Variants in CUX2 observed in about 807,000 individuals in gnomAD.
CUX2 encodes the protein cut like homeobox 2.
CUX2 carries 40 observed loss-of-function variants against 144.8 expected under a neutral mutation model. The ratio of observed to expected loss-of-function variants is 0.28; its 90% confidence interval spans 0.21 to 0.36. The LOEUF is 0.36. Ranked by LOEUF, CUX2 falls within the 10% of genes least tolerant of loss-of-function variation. The pLI is 1.00. For missense variants in CUX2, 1,615 were observed against 1,994.0 expected, an observed-to-expected ratio of 0.81 and a Z score of 3.62; for synonymous variants, 827 against 875.6, an observed-to-expected ratio of 0.94 and a Z score of 0.98.
At chr12:111,216,239 C>T (rs1408076978) in intron 2 of CUX2, among the ~76,000 whole-genome samples, 1 of 152,194 alleles carries the variant, frequency 6.6e-6, no homozygotes, top group African/African-American at 2.4e-5. Context: ...GTGACCTGGG[C>T]TCAAATTCTA....
rs1885548113 is a variant in CUX2 at position 111,289,149 on chromosome 12, A to G, written c.302-2269A>G. Among the ~76,000 whole-genome samples the G allele has an allele frequency of 6.6e-6, 1 of 151,962 alleles. No individual in the cohort carries two copies. Among genetic ancestry groups the G allele is most frequent in the Admixed American group, 6.6e-5 (1 of 15,244 alleles). ...AAAAAAGAAAAAAGGAAAAAAGAAA[A>G]TTCTGGGGGAGAGACCAGGAAGAGA... On this transcript the variant is annotated intron_variant, in intron 4 of 21. Coordinates refer to ENST00000261726, the MANE Select transcript of CUX2 (RefSeq NM_015267.4). This position sits in a 1 kb window ranked among gnomAD's most constrained non-coding sequence, Gnocchi z 4.1.
chr12:111,139,309 T>C (rs1318123401), intron 1 of CUX2, among the ~76,000 whole-genome samples: 1 of 151,818 alleles, frequency 6.6e-6, no homozygotes, highest in East Asian at 1.9e-4. Flanking sequence ...AAGTGCTCAA[T>C]AGGAGGAGAA....
In CUX2 at chr12:111,164,590, G is replaced by GA. The variant is rs201591693; in HGVS notation, c.64-49601dup. On this transcript the variant is annotated intron_variant, in intron 1 of 21. Transcript: ENST00000261726. ...GACTCCATCTCAAAAAAATAAAAAAGAAAAAAAAAGAGAACAAGCAAAAGA... is the reference window on the plus strand; with the variant it reads ...GACTCCATCTCAAAAAAATAAAAAAGAAAAAAAAAAGAGAACAAGCAAAAGA... Among the ~76,000 whole-genome samples the GA allele has an allele frequency of 3.4e-3, 506 of 148,890 alleles. 1 individual carries two copies. The highest frequency in any genetic ancestry group is 6.8e-3 in the African/African-American group (269 of 39,824).
chr12:111,134,848 C>T (rs1344764814), intron 1 of CUX2, among the ~76,000 whole-genome samples: 1 of 152,118 alleles, frequency 6.6e-6, no homozygotes, highest in Non-Finnish European at 1.5e-5. Context: ...AAAGGGAACT[C>T]CAGGCAGAAG....
At chr12:111,053,507 C>T (rs1480161927) in intron 1 of CUX2, among the ~76,000 whole-genome samples, 1 of 152,220 alleles carries the variant, frequency 6.6e-6, no homozygotes, top group Non-Finnish European at 1.5e-5. Flanking sequence ...CCACGTACTT[C>T]CATAGTCTCC....
intron 1 of CUX2, among the ~76,000 whole-genome samples, chr12:111,122,773 C>A (rs144449385): frequency 6.6e-6 from 1 of 152,158 alleles, no homozygotes; most frequent in South Asian, 2.1e-4. Flanking sequence ...GCTAGTTGCT[C>A]GTGGCTGCAG....
rs1362985438 is a variant in CUX2, at chr12:111,246,319, T to A, written c.223-17442T>A. 1.3e-5 allele frequency among the ~76,000 whole-genome samples: 2 copies of A among 152,208 alleles called. No individual in the cohort carries two copies. Among genetic ancestry groups the A allele is most frequent in the African/African-American group, 4.8e-5 (2 of 41,460 alleles). On this transcript the variant is annotated intron_variant, in intron 3 of 21. Transcript: ENST00000261726. The surrounding 1 kb of genome is among the most constrained non-coding windows in gnomAD (Gnocchi z 4.0). ...TACAAATCAGACCTTTTTTATTTTT[T>A]CTCACCAGTCAGCCACTTGTTAAAC...
At chr12:111,194,182 G>C (rs942909233) in intron 1 of CUX2, among the ~76,000 whole-genome samples, 1 of 152,106 alleles carries the variant, frequency 6.6e-6, no homozygotes, top group Non-Finnish European at 1.5e-5. Context: ...GTGACCTTAG[G>C]CAAGTGACTT....
intron 1 of CUX2, among the ~76,000 whole-genome samples, chr12:111,050,938 G>T (rs1870234561): frequency 1.3e-5 from 2 of 152,220 alleles, no homozygotes. Flanking sequence ...ATGTTTGATA[G>T]CAGAGCAGGG....
intron 3 of CUX2, among the ~76,000 whole-genome samples, chr12:111,254,695 G>T (rs74483132): frequency 0.014 from 2,153 of 152,266 alleles, 58 homozygotes; most frequent in African/African-American, 0.049. Flanking sequence ...ACACCTGAGG[G>T]TTCAAAATGA....
At chr12:111,199,156 C>T (rs559195164) in intron 1 of CUX2, among the ~76,000 whole-genome samples, 4 of 152,176 alleles carry the variant, frequency 2.6e-5, no homozygotes, top group Admixed American at 1.3e-4. Flanking sequence ...TATTTCTGGA[C>T]GTTGGCGGGA....
intron 3 of CUX2, among the ~76,000 whole-genome samples, chr12:111,222,401 C>A (rs1482973936): frequency 6.6e-6 from 1 of 152,188 alleles, no homozygotes; most frequent in Non-Finnish European, 1.5e-5. Context: ...GACCACAGGG[C>A]CACTGTTGGG....
At chr12:111,318,238 CTT>C (rs955839240) in intron 16 of CUX2, among the ~76,000 whole-genome samples, 3 of 109,656 alleles carry the variant, frequency 2.7e-5, no homozygotes, top group African/African-American at 4.8e-5. Context: ...ATTTTTTTTT[CTT>C]TTTTCTTTTT....
chr12:111,145,748 T>G (rs1876625769), intron 1 of CUX2, among the ~76,000 whole-genome samples: 1 of 151,850 alleles, frequency 6.6e-6, no homozygotes, highest in Non-Finnish European at 1.5e-5. Context: ...CTCTCTGCAG[T>G]CTCTGCCTCC....
chr12:111,231,737 A>T (rs531999248), intron 3 of CUX2, among the ~76,000 whole-genome samples: 1 of 152,370 alleles, frequency 6.6e-6, no homozygotes, highest in East Asian at 1.9e-4. Flanking sequence ...TATAAATTTT[A>T]AAAATACAGT....
At chr12:111,140,314 G>GGACAATT (rs769348212) in intron 1 of CUX2, among the ~76,000 whole-genome samples, 5 of 152,092 alleles carry the variant, frequency 3.3e-5, no homozygotes. Flanking sequence ...CATTGATGGG[G>GGACAATT]GACAATTGAC....
rs1886498132 is a variant in CUX2, at chr12:111,304,915, C to T, written c.858+601C>T. 6.6e-6 allele frequency among the ~76,000 whole-genome samples: 1 copy of T among 152,208 alleles called. No individual in the cohort carries two copies. The highest frequency in any genetic ancestry group is 2.1e-4 in the South Asian group (1 of 4,826). On this transcript the variant is annotated intron_variant, in intron 10 of 21. Transcript: ENST00000261726. This position sits in a 1 kb window ranked among gnomAD's most constrained non-coding sequence, Gnocchi z 4.7. ...GGCCACATACCAAGATAAAATTTAA[C>T]ATTCATACTCAGCCATTGGTTTCCA...
chr12:111,123,543 AT>A (rs111665969), intron 1 of CUX2, among the ~76,000 whole-genome samples: 8 of 144,398 alleles, frequency 5.5e-5, no homozygotes, highest in Admixed American at 1.4e-4. Flanking sequence ...AGCTCACTTA[AT>A]TTTTTTTTTG....
chr12:111,061,992 C>G lies in CUX2; in HGVS notation c.63+27752C>G, dbSNP rs1183162968. On this transcript the variant is annotated intron_variant, in intron 1 of 21. Coordinates refer to ENST00000261726, the MANE Select transcript of CUX2 (RefSeq NM_015267.4). This position sits in a 1 kb window ranked among gnomAD's most constrained non-coding sequence, Gnocchi z 4.2. ...AAATAGGTCGCCTCGCAGCCTCACT[C>G]ACAGGGAGTGTCGGCAGGGTTAGAT... is the stretch of plus-strand genomic sequence containing the variant. 6.6e-6 allele frequency among the ~76,000 whole-genome samples: 1 copy of G among 152,230 alleles called. No individual in the cohort carries two copies. The highest frequency in any genetic ancestry group is 1.5e-5 in the Non-Finnish European group (1 of 68,042).
Sources: allele counts gnomAD v4.1 joint callset (sites outside exome capture counted in the v4.1 genomes callset), GRCh38; gene constraint gnomAD v4.1.1; non-coding constraint Gnocchi (gnomAD v3.1); transcripts MANE v1.5; gene names NCBI Gene and HGNC (gene_info 2026-07-23, HGNC 2026-07-21).